FMO3: variants seen among roughly 807,000 people sequenced by gnomAD.
FMO3 encodes flavin-containing monooxygenase 3.
FMO3 carries 40 observed loss-of-function variants against 39.4 expected under a neutral mutation model. That is an observed-to-expected ratio of 1.02 (90% CI 0.79 to 1.32). FMO3 has a LOEUF of 1.32. FMO3 is among the 40% of genes most tolerant of loss of function. The pLI is 0.00. For missense variants in FMO3, 680 were observed against 651.8 expected (o/e 1.04, Z -0.47); for synonymous variants, 219 against 228.8 (o/e 0.96, Z 0.39).
intron 1 of FMO3, among the ~76,000 whole-genome samples, chr1:171,091,455 T>G (rs532995241): frequency 6.6e-6 from 1 of 150,860 alleles, no homozygotes; most frequent in African/African-American, 2.4e-5. Flanking sequence ...AAAAAAAAAG[T>G]AGTGAAAGAA....
At chr1:171,108,285 G>A (rs530013323) in intron 5 of FMO3, 64 bp downstream of exon 5, 1 of 1,589,646 alleles carries the variant, frequency 6.3e-7, no homozygotes, top group Admixed American at 1.7e-5. Flanking sequence ...TCGTTTGAAA[G>A]GTGTGATATG....
Position 171,110,913 on chromosome 1 carries a change from C to G in FMO3, c.743C>G (p.Pro248Arg). The G allele has an allele frequency of 6.2e-7, 1 of 1,613,904 alleles. No homozygotes were observed. Among genetic ancestry groups the G allele is most frequent in the Non-Finnish European group, 8.5e-7 (1 of 1,179,882 alleles). ...RFGTFLKNNL[P>R]TAISDWLYVK... ...GGAACCTTCCTCAAGAACAATTTAC[C>G]GACAGCCATCTCTGACTGGTTGTAC... Residue 248 changes from proline to arginine, a missense_variant, in exon 6 of 9, where the codon CCG becomes CGG. Pro to Arg is a moderately radical substitution (Grantham distance 103). Coordinates refer to ENST00000367755, the MANE Select transcript of FMO3 (RefSeq NM_001002294.3).
At chr1:171,098,574 T>C (rs1047888097) in intron 2 of FMO3, among the ~76,000 whole-genome samples, 4 of 152,214 alleles carry the variant, frequency 2.6e-5, no homozygotes, top group Non-Finnish European at 5.9e-5. Flanking sequence ...AGTTCACTCA[T>C]GATTTGGCTC....
At chr1:171,105,264 A>T (rs555616048) in intron 3 of FMO3, among the ~76,000 whole-genome samples, 2 of 152,198 alleles carry the variant, frequency 1.3e-5, no homozygotes, top group South Asian at 4.1e-4. Flanking sequence ...AAAATGAGAT[A>T]TGATTTCCAA....
At position 171,109,695 on chromosome 1, in the gene FMO3, C is replaced by T. The variant is rs958794396; in HGVS notation, c.628-1103C>T. On this transcript the variant is annotated intron_variant, in intron 5 of 8. Transcript: ENST00000367755. ...GATTACAGGCACCCACCACCACACC[C>T]CATACCCAGCTACTTTTTGTATTTT... is the stretch of plus-strand genomic sequence containing the variant. Among the ~76,000 whole-genome samples, 40 of 151,820 alleles carry T rather than the reference C, an allele frequency of 2.6e-4. 1 individual carries two copies. The highest frequency in any genetic ancestry group is 9.2e-4 in the African/African-American group (38 of 41,408).
intron 2 of FMO3, among the ~76,000 whole-genome samples, chr1:171,096,179 A>T (rs1324127844): frequency 1.6e-5 from 1 of 64,264 alleles, no homozygotes; most frequent in African/African-American, 7.3e-5. Flanking sequence ...ATTATATATA[A>T]TATATTAATA....
chr1:171,116,066 G>A, intron 7 of FMO3, 142 bp from the exon 8 acceptor site: 1 of 633,270 alleles, frequency 1.6e-6, no homozygotes, highest in Non-Finnish European at 2.9e-6. Flanking sequence ...TGAGTTCTGA[G>A]AAGACTAGAA....
intron 2 of FMO3, among the ~76,000 whole-genome samples, chr1:171,094,637 C>A (rs1654867572): frequency 6.6e-6 from 1 of 152,004 alleles, no homozygotes; most frequent in Non-Finnish European, 1.5e-5. Flanking sequence ...AGATAGGGGT[C>A]CACTTTCATT....
chr1:171,100,563 C>T (rs1655333240), intron 2 of FMO3: 1 of 152,352 alleles, frequency 6.6e-6, no homozygotes, highest in South Asian at 2.1e-4. Flanking sequence ...AATTTTGCCT[C>T]ATCCTGGTCC....
intron 2 of FMO3, among the ~76,000 whole-genome samples, chr1:171,097,908 G>GT (rs1405913098): frequency 1.3e-5 from 2 of 152,086 alleles, no homozygotes; most frequent in Non-Finnish European, 2.9e-5. Flanking sequence ...TTTCTTCTAG[G>GT]TTTTTTATGG....
chr1:171,111,706 A>T (rs1655918458), intron 6 of FMO3, among the ~76,000 whole-genome samples: 2 of 152,098 alleles, frequency 1.3e-5, no homozygotes, highest in South Asian at 4.2e-4. Flanking sequence ...GAGGTGAAAA[A>T]CCCAAGTTAC....
At chr1:171,103,296 A>T (rs1352156764) in intron 2 of FMO3, among the ~76,000 whole-genome samples, 1 of 152,200 alleles carries the variant, frequency 6.6e-6, no homozygotes, top group Non-Finnish European at 1.5e-5. Context: ...ATTCTTCCAT[A>T]TCCTAAGTTC....
In FMO3 at chr1:171,092,700, C is replaced by T. The variant is rs1654769369; in HGVS notation, c.42C>T (p.Gly14=). 3 of 1,614,098 alleles carry T rather than the reference C, an allele frequency of 1.9e-6. No homozygotes were observed. Among genetic ancestry groups the T allele is most frequent in the Middle Eastern group, 1.7e-4 (1 of 6,050 alleles). The change falls in exon 2 of 9, where the codon GGC becomes GGT. Residue 14 remains glycine, a synonymous_variant. Transcript: ENST00000367755. ...KVAIIGAGVS[G]LASIRSCLEE... ...CCATCATTGGAGCTGGTGTGAGTGG[C>T]TTGGCCTCCATCAGGAGCTGTCTGG...
Position 171,117,161 on chromosome 1 carries a change from T to C in FMO3, c.1318T>C (p.Phe440Leu). The change falls in exon 9 of 9, where the codon TTC becomes CTC. Residue 440 changes from phenylalanine (F) to leucine (L), a missense_variant. By Grantham distance (22) the Phe-to-Leu change is conservative (BLOSUM62 0). Coordinates refer to ENST00000367755, the MANE Select transcript of FMO3 (RefSeq NM_001002294.3). The part of the protein sequence containing the change: ...YIVYMDELSS[F>L]IGAKPNIPWL... ...TGTTTATATGGATGAACTCTCCTCCTTCATTGGGGCAAAGCCCAACATCCC... is the reference window on the plus strand; with the variant it reads ...TGTTTATATGGATGAACTCTCCTCCCTCATTGGGGCAAAGCCCAACATCCC... 6.2e-7 allele frequency: 1 copy of C among 1,614,202 alleles called. No individual in the cohort carries two copies. The highest frequency in any genetic ancestry group is 8.5e-7 in the Non-Finnish European group (1 of 1,180,016).
chr1:171,114,046 A>C lies in FMO3; in HGVS notation c.867A>C (p.Pro289=). 1 of 1,612,614 alleles carries C rather than the reference A, an allele frequency of 6.2e-7. No individual in the cohort carries two copies. The highest frequency in any genetic ancestry group is 8.5e-7 in the Non-Finnish European group (1 of 1,179,062). Residue 289 remains proline, a synonymous_variant, in exon 7 of 9, where the codon CCA becomes CCC. Transcript: ENST00000367755. The part of the protein sequence containing the change: ...RKEPVFNDEL[P]ASILCGIVSV... ...AGCCTGTATTTAACGATGAGCTCCC[A>C]GCAAGCATTCTGTGTGGCATTGTGT...
chr1:171,095,276 G>A (rs1654900471), intron 2 of FMO3, among the ~76,000 whole-genome samples: 1 of 152,128 alleles, frequency 6.6e-6, no homozygotes, highest in Non-Finnish European at 1.5e-5. Context: ...ACAAAACTGA[G>A]AATTGCTTTG....
rs1224899564 is a variant in FMO3, at chr1:171,117,343, A to T, written c.1500A>T (p.Arg500=). 2 of 1,612,978 alleles carry T rather than the reference A, an allele frequency of 1.2e-6. No individual in the cohort carries two copies. Among genetic ancestry groups the T allele is most frequent in the Non-Finnish European group, 1.7e-6 (2 of 1,179,476 alleles). ...WDRSLKPMQT[R]VVGRLQKPCF... ...GGTCGTTGAAACCCATGCAGACACG[A>T]GTGGTCGGGAGACTTCAGAAGCCTT... Residue 500 remains arginine, a synonymous_variant, in exon 9 of 9, where the codon CGA becomes CGT. Transcript: ENST00000367755.
intron 2 of FMO3, chr1:171,101,103 A>G: frequency 2.2e-6 from 1 of 456,200 alleles, no homozygotes; most frequent in Non-Finnish European, 4.4e-6. Context: ...GAAGGCGTAC[A>G]AGAGGGGTCT....
At chr1:171,094,250 T>C (rs1174016290) in intron 2 of FMO3, among the ~76,000 whole-genome samples, 5 of 152,162 alleles carry the variant, frequency 3.3e-5, no homozygotes, top group African/African-American at 9.6e-5. Context: ...TTATTGGCCA[T>C]TGGTATGTCT....
Sources: gnomAD v4.1 joint callset for allele counts (sites outside exome capture counted in the v4.1 genomes callset) on GRCh38, gnomAD v4.1.1 for gene constraint, MANE v1.5 for transcripts, NCBI Gene and HGNC (gene_info 2026-07-23, HGNC 2026-07-21) for gene names.